Variants in SMYD3 observed in about 807,000 individuals in gnomAD.
SMYD3 encodes SET and MYND domain containing 3.
SMYD3 carries 36 observed loss-of-function variants against 57.7 expected under a neutral mutation model. That is an observed-to-expected ratio of 0.62 (90% CI 0.48 to 0.82). The LOEUF (loss-of-function observed/expected upper bound fraction) is 0.82, where lower values mean the gene tolerates loss of function less well. Among genes scored for constraint, SMYD3 ranks in the 40% least tolerant of loss-of-function variants. The probability of loss-of-function intolerance (pLI) is 0.00; values close to 1 mark genes in which losing one functional copy is unlikely to be tolerated. For synonymous variants in SMYD3, 211 were observed against 195.0 expected, an observed-to-expected ratio of 1.08 and a Z score of -0.68; for missense variants, 515 against 538.8, an observed-to-expected ratio of 0.96 and a Z score of 0.44.
At chr1:245,911,512 C>T (rs201911451) in intron 8 of SMYD3, among the ~76,000 whole-genome samples, 1 of 135,554 alleles carries the variant, frequency 7.4e-6, no homozygotes, top group Non-Finnish European at 1.6e-5. Flanking sequence ...TATATATATA[C>T]ACACACATAT....
chr1:246,354,160 CA>C (rs200644099), intron 2 of SMYD3, among the ~76,000 whole-genome samples: 1,655 of 152,176 alleles, frequency 0.011, 15 homozygotes, highest in Non-Finnish European at 0.015. Flanking sequence ...AGGGAGGAGG[CA>C]AGTGACATAG....
chr1:246,355,635 C>T lies in SMYD3; in HGVS notation c.165-541G>A, dbSNP rs970831919. Among the ~76,000 whole-genome samples the T allele has an allele frequency of 6.6e-6, 1 of 152,104 alleles. No homozygotes were observed. Among genetic ancestry groups the T allele is most frequent in the Non-Finnish European group, 1.5e-5 (1 of 67,998 alleles). On this transcript the variant is annotated intron_variant, in intron 1 of 11. Coordinates refer to ENST00000490107, the MANE Select transcript of SMYD3 (RefSeq NM_001167740.2). This position sits in a 1 kb window ranked among gnomAD's most constrained non-coding sequence, Gnocchi z 5.0. ...GGAGTGAGACCAGCCTTTAGGACTG[C>T]GGGCTGTGTGGGAGTGGGATGAGGC... is the stretch of plus-strand genomic sequence containing the variant.
intron 5 of SMYD3, among the ~76,000 whole-genome samples, chr1:245,985,585 T>C (rs2058688436): frequency 1.3e-5 from 2 of 152,146 alleles, no homozygotes; most frequent in South Asian, 4.1e-4. Flanking sequence ...GTCTCAAATC[T>C]GCTCCCTTAT....
chr1:246,483,116 C>G (rs750104356), intron 1 of SMYD3, among the ~76,000 whole-genome samples: 3 of 152,106 alleles, frequency 2.0e-5, no homozygotes, highest in Non-Finnish European at 4.4e-5. Flanking sequence ...TTCTACTGTA[C>G]CCAGACGATC....
At chr1:246,152,037 C>G (rs751115097) in intron 5 of SMYD3, among the ~76,000 whole-genome samples, 1 of 152,208 alleles carries the variant, frequency 6.6e-6, no homozygotes, top group Non-Finnish European at 1.5e-5. Flanking sequence ...TCACTGAGAA[C>G]GCTGTTTCTG....
intron 5 of SMYD3, among the ~76,000 whole-genome samples, chr1:246,281,501 C>T (rs997585739): frequency 6.6e-6 from 1 of 152,132 alleles, no homozygotes; most frequent in Non-Finnish European, 1.5e-5. Flanking sequence ...TCATATCATA[C>T]CGCAATGTTT....
chr1:246,493,697 C>G (rs985783946), intron 1 of SMYD3, among the ~76,000 whole-genome samples: 1 of 151,688 alleles, frequency 6.6e-6, no homozygotes, highest in Admixed American at 6.6e-5. Flanking sequence ...CACCCTTCAC[C>G]ACAGAGCACT....
chr1:245,843,517 T>C (rs1319861251), intron 10 of SMYD3, among the ~76,000 whole-genome samples: 2 of 148,944 alleles, frequency 1.3e-5, no homozygotes. Context: ...AAATGTTTCA[T>C]ATACATGAAT....
rs1321213179 is a variant in SMYD3, at chr1:245,900,211, C to A, written c.813+15319G>T. 2.0e-5 allele frequency among the ~76,000 whole-genome samples: 3 copies of A among 152,264 alleles called. No individual in the cohort carries two copies. In the East Asian group the frequency reaches 5.8e-4, roughly 29 times the overall value. ...CATTATGCACTAGCTACCCAAAATC[C>A]ATTTAACACCTCTCTTTTCTCTTGA... On this transcript the variant is annotated intron_variant, in intron 8 of 11. Coordinates refer to ENST00000490107, the MANE Select transcript of SMYD3 (RefSeq NM_001167740.2).
chr1:246,205,497 A>G (rs2062985524), intron 5 of SMYD3, among the ~76,000 whole-genome samples: 1 of 152,224 alleles, frequency 6.6e-6, no homozygotes, highest in African/African-American at 2.4e-5. Flanking sequence ...CAATCCAGGC[A>G]TAACAGGAAT....
At chr1:246,431,965 C>T (rs182432772) in intron 1 of SMYD3, among the ~76,000 whole-genome samples, 9 of 152,022 alleles carry the variant, frequency 5.9e-5, no homozygotes, top group African/African-American at 1.9e-4. Context: ...TCCTAAAATC[C>T]GACATATCTG....
intron 10 of SMYD3, among the ~76,000 whole-genome samples, chr1:245,775,636 C>T (rs565123901): frequency 6.7e-4 from 101 of 151,098 alleles, no homozygotes; most frequent in African/African-American, 2.0e-3. Context: ...GTTTATCTGC[C>T]GACCTTCCCT....
At chr1:246,391,630 A>G (rs961581220) in intron 1 of SMYD3, among the ~76,000 whole-genome samples, 2 of 152,202 alleles carry the variant, frequency 1.3e-5, no homozygotes, top group African/African-American at 4.8e-5. Flanking sequence ...GACTATATTA[A>G]TATCAAACAA....
intron 5 of SMYD3, among the ~76,000 whole-genome samples, chr1:246,083,704 G>T (rs552591701): frequency 1.3e-5 from 2 of 152,124 alleles, no homozygotes; most frequent in Admixed American, 6.5e-5. Flanking sequence ...CAGAATAAAA[G>T]TTCCTAAACA....
chr1:245,936,225 A>G (rs1310426458), intron 5 of SMYD3, among the ~76,000 whole-genome samples: 1 of 152,232 alleles, frequency 6.6e-6, no homozygotes, highest in African/African-American at 2.4e-5. Flanking sequence ...AAAATACATA[A>G]AATGATAATT....
chr1:246,255,976 AG>A (rs2063883201), intron 5 of SMYD3, among the ~76,000 whole-genome samples: 1 of 147,652 alleles, frequency 6.8e-6, no homozygotes, highest in African/African-American at 2.7e-5. Flanking sequence ...ATAGATAGAT[AG>A]ATAGATAGAT....
intron 5 of SMYD3, among the ~76,000 whole-genome samples, chr1:246,084,992 A>T (rs183555166): frequency 6.6e-6 from 1 of 152,244 alleles, no homozygotes; most frequent in Non-Finnish European, 1.5e-5. Flanking sequence ...TACAGAAAAG[A>T]GCAGAAATGA....
chr1:246,141,330 C>T (rs868040178), intron 5 of SMYD3, among the ~76,000 whole-genome samples: 10 of 152,132 alleles, frequency 6.6e-5, no homozygotes, highest in African/African-American at 2.2e-4. Context: ...GAATTCCACA[C>T]GATATGAGCA....
Position 245,830,882 on chromosome 1 carries a change from T to C in SMYD3, c.1076+27614A>G, listed in dbSNP as rs182927742. Among the ~76,000 whole-genome samples the C allele has an allele frequency of 3.0e-3, 456 of 152,220 alleles. 3 individuals are homozygous for C. Among genetic ancestry groups the C allele is most frequent in the Non-Finnish European group, 4.8e-3 (326 of 68,016 alleles). ...CACCTCCTAACCTCCACAGTGCCCA[T>C]GTTGAGTTTTAGAATTGGCATTTAG... is the stretch of plus-strand genomic sequence containing the variant. On this transcript the variant is annotated intron_variant, in intron 10 of 11. Coordinates refer to ENST00000490107, the MANE Select transcript of SMYD3 (RefSeq NM_001167740.2).
Sources: allele counts gnomAD v4.1 joint callset (sites outside exome capture counted in the v4.1 genomes callset), GRCh38; gene constraint gnomAD v4.1.1; non-coding constraint Gnocchi (gnomAD v3.1); transcripts MANE v1.5; gene names NCBI Gene and HGNC (gene_info 2026-07-23, HGNC 2026-07-21).